The following ROBO2 variants were observed in gnomAD, a reference collection of about 807,000 sequenced individuals.
The protein encoded by ROBO2 is roundabout homolog 2.
ROBO2 carries 53 observed loss-of-function variants against 160.8 expected under a neutral mutation model. That is an observed-to-expected ratio of 0.33 (90% CI 0.26 to 0.41). The LOEUF is 0.41. Ranked by LOEUF, ROBO2 falls within the 10% of genes least tolerant of loss-of-function variation. ROBO2 has a pLI of 1.00. For missense variants in ROBO2, 1,577 were observed against 1,722.4 expected (o/e 0.92, Z 1.49); for synonymous variants, 664 against 611.7 (o/e 1.09, Z -1.26).
intron 2 of ROBO2, among the ~76,000 whole-genome samples, chr3:75,959,123 T>A (rs932000753): frequency 6.6e-6 from 1 of 151,756 alleles, no homozygotes; most frequent in East Asian, 2.0e-4. Context: ...AAATGAAAAA[T>A]TTTTAACATT....
intron 2 of ROBO2, among the ~76,000 whole-genome samples, chr3:76,553,414 T>A (rs779403439): frequency 3.9e-5 from 6 of 152,294 alleles, no homozygotes; most frequent in East Asian, 1.9e-4. Flanking sequence ...AAATCAGTAG[T>A]TTTAATGACC....
chr3:77,040,813 C>T lies in ROBO2; in HGVS notation c.28C>T (p.Leu10=), dbSNP rs766602763. 2.5e-6 allele frequency: 4 copies of T among 1,614,094 alleles called. No homozygotes were observed. In the South Asian group the frequency reaches 4.4e-5, roughly 18 times the overall value. Reference sequence around the variant, plus strand: ...GAGTCTGCTGATGTTTACACAACTACTGCTCTGTGGATTTTTATATGTTCG... The same window carrying T: ...GAGTCTGCTGATGTTTACACAACTATTGCTCTGTGGATTTTTATATGTTCG... Residue 10 remains leucine (L), a synonymous_variant, in exon 1 of 26, where the codon CTG becomes TTG. Coordinates refer to ENST00000461745, the Ensembl canonical transcript of ROBO2.
At chr3:77,227,225 A>T (rs2086603010) in intron 2 of ROBO2, among the ~76,000 whole-genome samples, 1 of 152,200 alleles carries the variant, frequency 6.6e-6, no homozygotes, top group African/African-American at 2.4e-5. Context: ...AAAGCAAGAA[A>T]CATGGGCTAA....
chr3:76,438,999 T>A lies in ROBO2; in HGVS notation c.109+501397T>A, dbSNP rs992349819. Among the ~76,000 whole-genome samples the A allele has an allele frequency of 2.0e-5, 3 of 152,206 alleles. No individual in the cohort carries two copies. In the South Asian group the frequency reaches 6.2e-4, roughly 32 times the overall value. ...GGTTTTTTTTTACACTTCCTGGCTA[T>A]TTAGTTGTGATTGTGTGTTGCTGCA... On this transcript the variant is annotated intron_variant, in intron 2 of 26. Coordinates refer to the ROBO2 transcript ENST00000487694.
chr3:76,112,722 A>T (rs541676235), intron 2 of ROBO2, among the ~76,000 whole-genome samples: 54 of 152,166 alleles, frequency 3.5e-4, no homozygotes, highest in South Asian at 3.1e-3. Flanking sequence ...ATCATTCTCA[A>T]ATGATTTTTA....
At chr3:76,799,031 G>A (rs565713196) in intron 2 of ROBO2, among the ~76,000 whole-genome samples, 1 of 152,098 alleles carries the variant, frequency 6.6e-6, no homozygotes, top group African/African-American at 2.4e-5. Flanking sequence ...TGGCTAACAT[G>A]GTGAAACCCC....
At chr3:77,631,031 T>A (rs2095150947) in intron 23 of ROBO2, 1 of 151,302 alleles carries the variant, frequency 6.6e-6, no homozygotes, top group Admixed American at 6.7e-5. Flanking sequence ...GGATCGTTGG[T>A]CCTTGACTTG....
intron 2 of ROBO2, among the ~76,000 whole-genome samples, chr3:77,218,936 A>G (rs1250629930): frequency 1.3e-5 from 2 of 152,078 alleles, no homozygotes; most frequent in Middle Eastern, 3.4e-3. Flanking sequence ...CATTTTTCTA[A>G]TATCTTTTAG....
chr3:76,028,093 C>A (rs2066802234), intron 2 of ROBO2, among the ~76,000 whole-genome samples: 1 of 151,810 alleles, frequency 6.6e-6, no homozygotes, highest in South Asian at 2.1e-4. Context: ...ATGAAATGTT[C>A]TTTCTTAGCT....
chr3:76,957,869 A>C (rs898234497), intron 2 of ROBO2, among the ~76,000 whole-genome samples: 15 of 152,060 alleles, frequency 9.9e-5, no homozygotes, highest in African/African-American at 3.6e-4. Flanking sequence ...ACTCTAGATG[A>C]ATTTGAAATG....
At chr3:76,031,531 G>T (rs936495639) in intron 2 of ROBO2, among the ~76,000 whole-genome samples, 2 of 151,884 alleles carry the variant, frequency 1.3e-5, no homozygotes, top group African/African-American at 2.4e-5. Context: ...TTTTGAGATA[G>T]GTCCCATCAA....
chr3:76,807,168 G>A (rs1316210111), intron 2 of ROBO2, among the ~76,000 whole-genome samples: 1 of 151,994 alleles, frequency 6.6e-6, no homozygotes, highest in Non-Finnish European at 1.5e-5. Flanking sequence ...CAGAGAAATT[G>A]TAGAATAATA....
At chr3:76,896,907 A>G (rs144409958) in intron 2 of ROBO2, among the ~76,000 whole-genome samples, 14 of 152,298 alleles carry the variant, frequency 9.2e-5, no homozygotes, top group African/African-American at 3.1e-4. Context: ...TACAGGAGTT[A>G]AATCTTGCCA....
chr3:76,331,529 T>G (rs923602262), intron 2 of ROBO2, among the ~76,000 whole-genome samples: 1 of 152,004 alleles, frequency 6.6e-6, no homozygotes, highest in Non-Finnish European at 1.5e-5. Flanking sequence ...GCCTCTAGAT[T>G]CCTCTGTTTG....
chr3:76,204,324 A>C (rs896617465), intron 2 of ROBO2, among the ~76,000 whole-genome samples: 5 of 152,192 alleles, frequency 3.3e-5, no homozygotes, highest in African/African-American at 7.2e-5. Flanking sequence ...TATTACCGCG[A>C]GGAAGCACTG....
chr3:77,401,009 CAT>C (rs948090753), intron 2 of ROBO2, among the ~76,000 whole-genome samples: 5 of 151,986 alleles, frequency 3.3e-5, no homozygotes, highest in South Asian at 2.1e-4. Flanking sequence ...AGAATAAAAA[CAT>C]AGGGTTGTGT....
At chr3:76,574,570 T>C (rs973554518) in intron 2 of ROBO2, among the ~76,000 whole-genome samples, 5 of 152,142 alleles carry the variant, frequency 3.3e-5, no homozygotes, top group African/African-American at 4.8e-5. Flanking sequence ...GGGTGATATA[T>C]GGTAAATCAC....
At chr3:77,289,483 T>C (rs138508551) in intron 2 of ROBO2, among the ~76,000 whole-genome samples, 48,801 of 147,794 alleles carry the variant, frequency 0.33, 8,160 homozygotes, top group Non-Finnish European at 0.37. Context: ...GCTAGAGCAC[T>C]AAAGATATAA....
chr3:76,282,908 T>C (rs1287600671), intron 2 of ROBO2, among the ~76,000 whole-genome samples: 1 of 151,550 alleles, frequency 6.6e-6, no homozygotes, highest in East Asian at 1.9e-4. Flanking sequence ...AGATAATAAG[T>C]ACATGTCTAG....
Sources: gnomAD v4.1 joint callset for allele counts (sites outside exome capture counted in the v4.1 genomes callset) on GRCh38, gnomAD v4.1.1 for gene constraint, MANE v1.5 for transcripts, NCBI Gene and HGNC (gene_info 2026-07-23, HGNC 2026-07-21) for gene names.